VPS26C: variants seen among roughly 807,000 people sequenced by gnomAD.
The protein encoded by VPS26C is VPS26 endosomal protein sorting factor C, also known as vacuolar protein sorting-associated protein 26C.
In VPS26C, 19 loss-of-function variants were observed where a neutral mutation model predicts 30.6. The ratio of observed to expected loss-of-function variants is 0.62; its 90% confidence interval spans 0.43 to 0.91. VPS26C has a LOEUF of 0.91. Ranked by LOEUF, VPS26C falls within the 40% of genes least tolerant of loss-of-function variation. The pLI is 0.00. For synonymous variants in VPS26C, 132 were observed against 151.5 expected (o/e 0.87, Z 0.95); for missense variants, 318 against 385.1 (o/e 0.83, Z 1.46).
rs984748393 is a variant in VPS26C, at chr21:37,233,029, T to G, written c.432+333A>C. On this transcript the variant is annotated intron_variant, in intron 4 of 7. Transcript: ENST00000309117. The surrounding 1 kb of genome is among the most constrained non-coding windows in gnomAD (Gnocchi z 5.2). ...CAGAATCTACAGATACAGCCGAGCT[T>G]CATGAGAGCCTGCCTGGCATTTTTT... Among the ~76,000 whole-genome samples the G allele has an allele frequency of 2.0e-5, 3 of 152,216 alleles. No homozygotes were observed. Among genetic ancestry groups the G allele is most frequent in the Non-Finnish European group, 4.4e-5 (3 of 68,042 alleles).
At position 37,230,175 on chromosome 21, in the gene VPS26C, GT is replaced by G. The variant is rs373546542; in HGVS notation, c.508-1803del. ...ATCTACTGTGCCTGGCCAAGACAGA[GT>G]TTTAAAAATAACTAAGAGAAGCTAT... On this transcript the variant is annotated intron_variant, in intron 5 of 7. Transcript: ENST00000309117. Among the ~76,000 whole-genome samples, 30 of 152,324 alleles carry G rather than the reference GT, an allele frequency of 2.0e-4. No individual in the cohort carries two copies. The East Asian group carries it at 5.2e-3, about 26-fold the overall frequency.
chr21:37,235,518 G>A (rs1431005623), intron 3 of VPS26C, among the ~76,000 whole-genome samples: 1 of 152,174 alleles, frequency 6.6e-6, no homozygotes, highest in African/African-American at 2.4e-5. Flanking sequence ...AATGAGTGCT[G>A]AATATACAAT....
At chr21:37,232,501 G>C (rs1569232477) in intron 4 of VPS26C, 50 bp from the exon 5 acceptor site, 1 of 1,476,742 alleles carries the variant, frequency 6.8e-7, no homozygotes, top group Non-Finnish European at 9.5e-7. Context: ...CAAGAGTTCT[G>C]CAGGTCAAAT....
intron 3 of VPS26C, among the ~76,000 whole-genome samples, chr21:37,235,625 A>G (rs1310285529): frequency 6.6e-6 from 1 of 152,144 alleles, no homozygotes; most frequent in Non-Finnish European, 1.5e-5. Context: ...CTTGCCTACA[A>G]TTTAAATTAT....
chr21:37,238,024 C>T (rs2086042984), intron 3 of VPS26C, among the ~76,000 whole-genome samples: 1 of 152,204 alleles, frequency 6.6e-6, no homozygotes, highest in African/African-American at 2.4e-5. Context: ...ATCCACTTCC[C>T]CTCATTGACA....
intron 1 of VPS26C, among the ~76,000 whole-genome samples, chr21:37,246,658 G>A (rs942119348): frequency 8.5e-5 from 13 of 152,192 alleles, no homozygotes; most frequent in Non-Finnish European, 1.3e-4. Flanking sequence ...GAATGTAATC[G>A]ACACTAGCTG....
Position 37,232,483 on chromosome 21 carries a change from G to T in VPS26C, c.433-32C>A, listed in dbSNP as rs747068712. On this transcript the variant is annotated intron_variant, in intron 4 of 7. Transcript: ENST00000309117. ...CGAGAGGTGAAACCGAAATCAGTAG[G>T]TGAAGGCCAAGAGTTCTGCAGGTCA... 7 of 1,575,922 alleles carry T rather than the reference G, an allele frequency of 4.4e-6. No individual in the cohort carries two copies. The Admixed American group carries it at 8.3e-5, about 19-fold the overall frequency.
rs984242225 is a variant in VPS26C at position 37,223,545 on chromosome 21, C to G, written c.*1999G>C. On this transcript the variant is annotated 3_prime_UTR_variant, in exon 8 of 8. Coordinates refer to ENST00000309117, the MANE Select transcript of VPS26C (RefSeq NM_006052.2). ...TCATCTCATTAAAAATGGTTTCTTC[C>G]TTTAAAATTTCCCAGAAAGTGTGGC... The G allele has an allele frequency of 4.6e-5, 7 of 152,202 alleles. No individual in the cohort carries two copies. Among genetic ancestry groups the G allele is most frequent in the African/African-American group, 1.7e-4 (7 of 41,440 alleles). The allele number at this position is 152,202 out of a possible 1,614,324, so 9.4% of individuals were successfully genotyped here.
At chr21:37,228,477 C>T (rs2085927810) in intron 5 of VPS26C, 104 bp from the exon 6 acceptor site, 2 of 1,277,872 alleles carry the variant, frequency 1.6e-6, no homozygotes, top group Admixed American at 1.9e-5. Context: ...ATAGTGGTTA[C>T]ACAGTCCACC....
chr21:37,262,768 ATTT>A (rs755196084), intron 1 of VPS26C, among the ~76,000 whole-genome samples: 1 of 141,372 alleles, frequency 7.1e-6, no homozygotes, highest in African/African-American at 2.6e-5. Context: ...TAGCACGTTA[ATTT>A]TTTTTTTTTT....
chr21:37,233,401 C>A lies in VPS26C; in HGVS notation c.393G>T (p.Lys131Asn). 1 of 1,614,148 alleles carries A rather than the reference C, an allele frequency of 6.2e-7. No individual in the cohort carries two copies. ...TAAATTCACAGGTCTTTGTCAAGTC[C>A]TTGGCCAACAGAGACCGCTTCATGT... is the stretch of plus-strand genomic sequence containing the variant. ...RCDMKRSLLA[K>N]DLTKTCEFIV... The change falls in exon 4 of 8, where the codon AAG becomes AAT. Residue 131 changes from lysine (K) to asparagine (N), a missense_variant. Transcript: ENST00000309117. The surrounding 1 kb of genome is among the most constrained non-coding windows in gnomAD (Gnocchi z 5.2).
At chr21:37,235,934 G>A (rs1015697410) in intron 3 of VPS26C, among the ~76,000 whole-genome samples, 1 of 143,606 alleles carries the variant, frequency 7.0e-6, no homozygotes, top group Non-Finnish European at 1.5e-5. Context: ...TTGCTATGTT[G>A]CCCAGGCTGG....
At chr21:37,248,590 T>C (rs1046850210) in intron 1 of VPS26C, among the ~76,000 whole-genome samples, 1 of 151,528 alleles carries the variant, frequency 6.6e-6, no homozygotes, top group Non-Finnish European at 1.5e-5. Context: ...TCAATCATCA[T>C]AGAAAAAATA....
intron 3 of VPS26C, chr21:37,238,241 A>G: frequency 3.8e-6 from 2 of 529,950 alleles, no homozygotes; most frequent in East Asian, 3.4e-5. Flanking sequence ...AAAAGAAGTT[A>G]CAGCACGAGT....
At chr21:37,240,325 A>G (rs2086072247) in intron 2 of VPS26C, among the ~76,000 whole-genome samples, 171 bp downstream of exon 2, 1 of 151,868 alleles carries the variant, frequency 6.6e-6, no homozygotes, top group African/African-American at 2.4e-5. Context: ...GGGTCTTGCT[A>G]TGTTGCCCAG....
intron 1 of VPS26C, among the ~76,000 whole-genome samples, chr21:37,245,218 A>G (rs1420911558): frequency 6.6e-6 from 1 of 152,240 alleles, no homozygotes; most frequent in Non-Finnish European, 1.5e-5. Context: ...CGAGTGGCAG[A>G]TGAATGCGAA....
Position 37,225,409 on chromosome 21 carries a change from G to A in VPS26C, c.*135C>T, listed in dbSNP as rs2085888463. The A allele has an allele frequency of 1.4e-6, 1 of 723,522 alleles. No homozygotes were observed. The allele number at this position is 723,522 out of a possible 1,614,324, so 44.8% of individuals were successfully genotyped here. A position where few individuals can be genotyped will look rare whatever the true frequency, so the allele number is the denominator to read the frequency against. ...AAATGAGGAAGGAAAGTTAATTTGA[G>A]GGTCTGTTTCATTTCTGATACAGAA... On this transcript the variant is annotated 3_prime_UTR_variant, in exon 8 of 8. Coordinates refer to ENST00000309117, the MANE Select transcript of VPS26C (RefSeq NM_006052.2).
Position 37,238,590 on chromosome 21 carries a change from C to A in VPS26C, c.221G>T (p.Ser74Ile). Residue 74 changes from serine to isoleucine, a missense_variant, in exon 3 of 8, where the codon AGC (serine) becomes ATC (isoleucine). Transcript: ENST00000309117. The stretch of plus-strand genomic sequence containing the variant: ...CCCCGGCTTCACCATTTCTATGGTG[C>A]TGTTGATAATCTGGATAGGCTGTAA... Reference protein sequence around the residue: ...NSVKPIQIINSTIEMVKPGKF... With the variant: ...NSVKPIQIINITIEMVKPGKF... 6.2e-7 allele frequency: 1 copy of A among 1,614,158 alleles called. No individual in the cohort carries two copies. Among genetic ancestry groups the A allele is most frequent in the East Asian group, 2.2e-5 (1 of 44,880 alleles).
intron 3 of VPS26C, among the ~76,000 whole-genome samples, chr21:37,236,192 TA>T (rs934113469): frequency 5.9e-5 from 9 of 151,866 alleles, no homozygotes; most frequent in African/African-American, 2.2e-4. Context: ...GTGCCTATGT[TA>T]ACCTTTAGAG....
Sources: gnomAD v4.1 joint callset for allele counts (sites outside exome capture counted in the v4.1 genomes callset) on GRCh38, gnomAD v4.1.1 for gene constraint, Gnocchi (gnomAD v3.1) non-coding constraint, MANE v1.5 for transcripts, NCBI Gene and HGNC (gene_info 2026-07-23, HGNC 2026-07-21) for gene names.